Variants in PHLDB1 observed in about 807,000 individuals in gnomAD.
PHLDB1 encodes the protein pleckstrin homology-like domain family B member 1.
Under a neutral mutation model 139.3 loss-of-function variants are expected in PHLDB1, and 65 were observed. The observed-to-expected ratio is 0.47, with a 90% CI of 0.38 to 0.57. The LOEUF is 0.57. Among genes scored for constraint, PHLDB1 ranks in the 20% least tolerant of loss-of-function variants. PHLDB1 has a pLI of 0.00. For missense variants in PHLDB1, 1,624 were observed against 1,839.7 expected (o/e 0.88, Z 2.14); for synonymous variants, 679 against 734.5 (o/e 0.92, Z 1.22).
intron 6 of PHLDB1, chr11:118,630,058 G>A (rs1555108530): frequency 7.8e-7 from 1 of 1,280,678 alleles, no homozygotes; most frequent in South Asian, 1.2e-5. Flanking sequence ...CCATGGAACT[G>A]GGCAAGCAAC....
chr11:118,641,533 TC>T, intron 12 of PHLDB1: 1 of 849,484 alleles, frequency 1.2e-6, no homozygotes, highest in Non-Finnish European at 1.6e-6. Flanking sequence ...TTCCCTCCCT[TC>T]CCCTGTGGGT....
rs971638483 is a variant in PHLDB1 at position 118,645,076 on chromosome 11, C to T, written c.3122-280C>T. On this transcript the variant is annotated intron_variant, in intron 15 of 22. Transcript: ENST00000600882. The surrounding 1 kb of genome is among the most constrained non-coding windows in gnomAD (Gnocchi z 5.1). ...GGAGCCAACTGGCTGTCGTGCTGCC[C>T]CAGCACTACTTGGGTAGGTTTGGTG... is the stretch of plus-strand genomic sequence containing the variant. 3.2e-5 allele frequency: 13 copies of T among 409,038 alleles called. No individual in the cohort carries two copies. Among genetic ancestry groups the T allele is most frequent in the Admixed American group, 8.4e-5 (2 of 23,726 alleles). The allele number at this position is 409,038 out of a possible 1,614,324, so 25.3% of individuals were successfully genotyped here.
chr11:118,656,209 C>T (rs1249311633), intron 22 of PHLDB1, among the ~76,000 whole-genome samples: 3 of 152,116 alleles, frequency 2.0e-5, no homozygotes, highest in Non-Finnish European at 4.4e-5. Context: ...GAGGCTGGGG[C>T]CTGCTTCCCT....
chr11:118,627,892 C>T lies in PHLDB1; in HGVS notation c.1069C>T (p.Pro357Ser), dbSNP rs1944147315. 3 of 1,610,786 alleles carry T rather than the reference C, an allele frequency of 1.9e-6. No individual in the cohort carries two copies. The highest frequency in any genetic ancestry group is 2.2e-5 in the South Asian group (2 of 91,084). ...GAGCCCCCGGCTGGGTGGGCAGCTGCCTGTGGTGGCCATCAGCCTGAGTGA... is the reference window on the plus strand; with the variant it reads ...GAGCCCCCGGCTGGGTGGGCAGCTGTCTGTGGTGGCCATCAGCCTGAGTGA... ...TESPRLGGQL[P>S]VVAISLSEYP... The change falls in exon 6 of 23, where the codon CCT (proline) becomes TCT (serine). Residue 357 changes from proline to serine, a missense_variant. Physicochemically the swap from Pro to Ser is moderately conservative, Grantham distance 74. Coordinates refer to ENST00000600882, the MANE Select transcript of PHLDB1 (RefSeq NM_001144758.3).
chr11:118,645,717 T>C lies in PHLDB1; in HGVS notation c.3417-18T>C. On this transcript the variant is annotated intron_variant, in intron 16 of 22. Transcript: ENST00000600882. This position sits in a 1 kb window ranked among gnomAD's most constrained non-coding sequence, Gnocchi z 5.1. ...CCTCAGCTCCTTGATGCACTTCCTC[T>C]TCCCCTTCTCTCCCCAGCGCGAGTG... 6.2e-7 allele frequency: 1 copy of C among 1,612,088 alleles called. No individual in the cohort carries two copies. The highest frequency in any genetic ancestry group is 8.5e-7 in the Non-Finnish European group (1 of 1,178,178).
In PHLDB1 at chr11:118,628,390, C is replaced by A; in HGVS notation, c.1567C>A (p.Leu523Met). 6.2e-7 allele frequency: 1 copy of A among 1,610,758 alleles called. No individual in the cohort carries two copies. Among genetic ancestry groups the A allele is most frequent in the East Asian group, 2.2e-5 (1 of 44,748 alleles). The change falls in exon 6 of 23, where the codon CTG becomes ATG. Residue 523 changes from leucine to methionine, a missense_variant. Coordinates refer to ENST00000600882, the MANE Select transcript of PHLDB1 (RefSeq NM_001144758.3). Reference protein sequence around the residue: ...GRRTRSPSPTLGESLAPHKGS... With the variant: ...GRRTRSPSPTMGESLAPHKGS... ...TAGGACACGGAGCCCCTCACCCACA[C>A]TGGGTGAGTCTCTGGCACCCCACAA...
chr11:118,622,505 G>T (rs1235605679), intron 4 of PHLDB1, among the ~76,000 whole-genome samples: 3 of 152,216 alleles, frequency 2.0e-5, no homozygotes, highest in African/African-American at 7.2e-5. Context: ...GCCGGGGAGG[G>T]TGAAGGGCTG....
chr11:118,623,472 C>G (rs184232473), intron 4 of PHLDB1, among the ~76,000 whole-genome samples: 150 of 152,262 alleles, frequency 9.9e-4, no homozygotes, highest in African/African-American at 3.5e-3. Context: ...TCCAGGTACT[C>G]ACACTTCCCG....
intron 18 of PHLDB1, among the ~76,000 whole-genome samples, chr11:118,648,970 G>A (rs1384187121): frequency 6.6e-6 from 1 of 152,130 alleles, no homozygotes; most frequent in East Asian, 1.9e-4. Context: ...AGGTCATCTG[G>A]ATTGGGTTTG....
chr11:118,613,562 C>A, intron 1 of PHLDB1: 1 of 771,588 alleles, frequency 1.3e-6, no homozygotes, highest in Non-Finnish European at 1.8e-6. Context: ...AGATTGGGCC[C>A]TATGGGACTG....
intron 13 of PHLDB1, chr11:118,643,353 C>T: frequency 5.6e-6 from 1 of 178,292 alleles, no homozygotes; most frequent in Non-Finnish European, 1.1e-5. Context: ...GCTAGTGCTG[C>T]AGGGGAGCTT....
At chr11:118,631,866 C>T in intron 7 of PHLDB1, 47 bp from the exon 8 acceptor site, 1 of 1,549,470 alleles carries the variant, frequency 6.5e-7, no homozygotes, top group Non-Finnish European at 8.7e-7. Context: ...TAGTCTGATT[C>T]CAAAAGGCTC....
At chr11:118,635,313 C>T (rs1945465621) in intron 9 of PHLDB1, 80 bp from the exon 10 acceptor site, 2 of 1,456,864 alleles carry the variant, frequency 1.4e-6, no homozygotes, top group African/African-American at 1.4e-5. Context: ...CCATACAACG[C>T]ATGCCCCTGT....
At chr11:118,641,899 T>G in intron 12 of PHLDB1, 1 of 749,886 alleles carries the variant, frequency 1.3e-6, no homozygotes, top group Non-Finnish European at 1.9e-6. Flanking sequence ...GAGTGCCCAG[T>G]GCCTGCAGGC....
intron 6 of PHLDB1, among the ~76,000 whole-genome samples, chr11:118,629,489 T>G (rs1944425578): frequency 1.3e-5 from 2 of 152,214 alleles, no homozygotes; most frequent in Admixed American, 1.3e-4. Context: ...GATTCTGCCC[T>G]CTGTCCCTTA....
intron 2 of PHLDB1, 71 bp downstream of exon 2, chr11:118,613,967 G>A (rs897191045): frequency 7.1e-6 from 7 of 980,144 alleles, no homozygotes; most frequent in South Asian, 6.9e-5. Flanking sequence ...ACCCCCTTGT[G>A]GTCCCAGCCC....
chr11:118,614,709 A>G (rs1555087371), intron 3 of PHLDB1, 27 bp downstream of exon 3: 1 of 1,610,914 alleles, frequency 6.2e-7, no homozygotes. Flanking sequence ...CATCTCACTC[A>G]CCACCCCTCT....
rs1940196623 is a variant in PHLDB1, at chr11:118,611,139, G to T, written c.-21-2677G>T. ...CCGCCGGGGCCAGAGCGGGAGTCAA[G>T]GTGAGGGCGCCCCCAGGTGGCCGCT... On this transcript the variant is annotated intron_variant, in intron 1 of 22. Coordinates refer to ENST00000600882, the MANE Select transcript of PHLDB1 (RefSeq NM_001144758.3). This position sits in a 1 kb window ranked among gnomAD's most constrained non-coding sequence, Gnocchi z 4.7. 6.6e-6 allele frequency among the ~76,000 whole-genome samples: 1 copy of T among 152,202 alleles called. No individual in the cohort carries two copies. Among genetic ancestry groups the T allele is most frequent in the Non-Finnish European group, 1.5e-5 (1 of 68,036 alleles).
chr11:118,628,301 G>T lies in PHLDB1; in HGVS notation c.1478G>T (p.Arg493Leu), dbSNP rs782785691. The change falls in exon 6 of 23, where the codon CGG becomes CTG. Residue 493 changes from arginine to leucine, a missense_variant. By Grantham distance (102) the Arg-to-Leu change is moderately radical (BLOSUM62 -2). Coordinates refer to ENST00000600882, the MANE Select transcript of PHLDB1 (RefSeq NM_001144758.3). The stretch of plus-strand genomic sequence containing the variant: ...GAAGTGGCAGAGAGTCCTCGGCCCC[G>T]GCGCTGGGCAGCCCATGGGGCTTCA... ...NREVAESPRP[R>L]RWAAHGASPE... The T allele has an allele frequency of 3.1e-6, 5 of 1,613,704 alleles. No homozygotes were observed. The highest frequency in any genetic ancestry group is 4.2e-6 in the Non-Finnish European group (5 of 1,179,924).
Sources: gnomAD v4.1 joint callset for allele counts (sites outside exome capture counted in the v4.1 genomes callset) on GRCh38, gnomAD v4.1.1 for gene constraint, Gnocchi (gnomAD v3.1) non-coding constraint, MANE v1.5 for transcripts, NCBI Gene and HGNC (gene_info 2026-07-23, HGNC 2026-07-21) for gene names.